The following ARID4B variants were observed in gnomAD, a reference collection of about 807,000 sequenced individuals.
The protein encoded by ARID4B is AT-rich interaction domain 4B.
Under a neutral mutation model 147.5 loss-of-function variants are expected in ARID4B, and 26 were observed. That is an observed-to-expected ratio of 0.18 (90% CI 0.13 to 0.24). ARID4B has a LOEUF of 0.24. Among genes scored for constraint, ARID4B ranks in the 10% least tolerant of loss-of-function variants. ARID4B has a pLI of 1.00. For synonymous variants in ARID4B, 512 were observed against 507.9 expected (o/e 1.01, Z -0.11); for missense variants, 1,179 against 1,511.5 (o/e 0.78, Z 3.65).
Position 235,216,150 on chromosome 1 carries a change from C to A in ARID4B, c.1584-2124G>T, listed in dbSNP as rs1438868377. Among the ~76,000 whole-genome samples, 4 of 151,932 alleles carry A rather than the reference C, an allele frequency of 2.6e-5. No homozygotes were observed. In the East Asian group the frequency reaches 7.7e-4, roughly 29 times the overall value. ...AGTAAGTCCGTGTTCACGAAAGTAT[C>A]AAATATATCAATTTTGTCTGAACTA... On this transcript the variant is annotated intron_variant, in intron 16 of 23. Transcript: ENST00000264183.
chr1:235,247,784 T>A (rs150236994), intron 6 of ARID4B, among the ~76,000 whole-genome samples: 1,560 of 151,720 alleles, frequency 0.01, 24 homozygotes, highest in African/African-American at 0.033. Flanking sequence ...AGATCGGGAG[T>A]TGGAGACCAG....
chr1:235,299,950 G>A (rs1164921265), intron 2 of ARID4B, among the ~76,000 whole-genome samples: 2 of 152,116 alleles, frequency 1.3e-5, no homozygotes, highest in African/African-American at 2.4e-5. Flanking sequence ...TAAGTATTTA[G>A]TCCTGTTCTT....
intron 3 of ARID4B, among the ~76,000 whole-genome samples, chr1:235,259,063 T>C (rs1351670951): frequency 6.6e-6 from 1 of 152,228 alleles, no homozygotes; most frequent in Non-Finnish European, 1.5e-5. Flanking sequence ...TGTGTTTTAA[T>C]GGACATCACC....
At chr1:235,179,603 C>T (rs1664148959) in intron 20 of ARID4B, among the ~76,000 whole-genome samples, 1 of 150,262 alleles carries the variant, frequency 6.7e-6, no homozygotes, top group East Asian at 2.0e-4. Flanking sequence ...ATAAATTACC[C>T]TAAATTTAGG....
At chr1:235,173,967 C>A (rs1663656402) in intron 22 of ARID4B, among the ~76,000 whole-genome samples, 1 of 150,730 alleles carries the variant, frequency 6.6e-6, no homozygotes, top group Admixed American at 6.6e-5. Flanking sequence ...CCTGTATCAT[C>A]TGCACCCCTA....
chr1:235,286,609 T>C (rs912353490), intron 2 of ARID4B, among the ~76,000 whole-genome samples: 3 of 152,148 alleles, frequency 2.0e-5, no homozygotes, highest in Non-Finnish European at 1.5e-5. Flanking sequence ...AGAAACAATA[T>C]AGATTCTGGA....
At chr1:235,215,322 T>TA (rs1421981763) in intron 16 of ARID4B, among the ~76,000 whole-genome samples, 1 of 152,114 alleles carries the variant, frequency 6.6e-6, no homozygotes, top group Non-Finnish European at 1.5e-5. Context: ...AGGCTACATT[T>TA]AGTCTGGTTT....
chr1:235,175,473 A>T, intron 21 of ARID4B, 74 bp from the exon 22 acceptor site: 1 of 1,236,070 alleles, frequency 8.1e-7, no homozygotes, highest in Non-Finnish European at 1.2e-6. Flanking sequence ...TAGGTAATTT[A>T]AAATTAGCCA....
chr1:235,300,650 A>G (rs1484643738), intron 2 of ARID4B, among the ~76,000 whole-genome samples: 2 of 152,122 alleles, frequency 1.3e-5, no homozygotes, highest in Non-Finnish European at 2.9e-5. Context: ...TTATTACTAT[A>G]TTTAGCTTAT....
At chr1:235,201,982 G>A (rs1571962797) in intron 17 of ARID4B, among the ~76,000 whole-genome samples, 1 of 150,852 alleles carries the variant, frequency 6.6e-6, no homozygotes, top group Non-Finnish European at 1.5e-5. Flanking sequence ...CAGGTAGACT[G>A]GGTTGTTATT....
At chr1:235,202,416 T>C (rs1404484766) in intron 17 of ARID4B, among the ~76,000 whole-genome samples, 2 of 151,518 alleles carry the variant, frequency 1.3e-5, no homozygotes, top group Admixed American at 1.3e-4. Context: ...ATATGACTTG[T>C]CTGATAATAT....
intron 6 of ARID4B, 85 bp downstream of exon 6, chr1:235,252,645 T>C (rs1316186831): frequency 9.4e-7 from 1 of 1,066,490 alleles, no homozygotes; most frequent in East Asian, 2.4e-5. Flanking sequence ...GATTAGGAAG[T>C]AGGTTTACTG....
chr1:235,168,420 T>C lies in ARID4B; in HGVS notation c.*105A>G. The C allele has an allele frequency of 2.3e-6, 3 of 1,297,986 alleles. No individual in the cohort carries two copies. The highest frequency in any genetic ancestry group is 3.0e-6 in the Non-Finnish European group (3 of 986,766). 80.4% of individuals were successfully genotyped at this position (1,297,986 alleles called of 1,614,324 possible). ...AGCTTGTCAAGAAACAATTTTTAAA[T>C]ATAAAATAGTGCTTGTCTGATATTT... On this transcript the variant is annotated 3_prime_UTR_variant, in exon 24 of 24. Coordinates refer to ENST00000264183, the MANE Select transcript of ARID4B (RefSeq NM_016374.6).
chr1:235,185,287 G>C (rs1435479453), intron 19 of ARID4B, among the ~76,000 whole-genome samples: 1 of 152,122 alleles, frequency 6.6e-6, no homozygotes, highest in East Asian at 1.9e-4. Flanking sequence ...TAGTACATTT[G>C]ATAAACTTCC....
At chr1:235,290,470 C>A (rs1019107996) in intron 2 of ARID4B, among the ~76,000 whole-genome samples, 1 of 150,616 alleles carries the variant, frequency 6.6e-6, no homozygotes, top group Non-Finnish European at 1.5e-5. Context: ...TAATCAGTAA[C>A]CCTACTCTTA....
chr1:235,239,797 C>G (rs556206977), intron 8 of ARID4B, among the ~76,000 whole-genome samples: 1 of 152,050 alleles, frequency 6.6e-6, no homozygotes, highest in Non-Finnish European at 1.5e-5. Context: ...GAATTGCAAT[C>G]TTTTGGAGAG....
Position 235,196,106 on chromosome 1 carries a change from T to A in ARID4B, c.1851A>T (p.Glu617Asp). ...HYCGWNVRYD[E>D]WIKADKIVRP... Reference sequence around the variant, plus strand: ...TTACTATTTTATCTGCTTTAATCCATTCATCGTATCTAAAATTAAAGGAAA... The same window carrying A: ...TTACTATTTTATCTGCTTTAATCCAATCATCGTATCTAAAATTAAAGGAAA... Residue 617 changes from glutamate (E) to aspartate (D), a missense_variant, in exon 18 of 24, where the codon GAA becomes GAT. Physicochemically the swap from Glu to Asp is conservative, Grantham distance 45 (BLOSUM62 2). This residue lies in a region of ARID4B where 28 missense variants were observed against 67.6 expected (regional missense o/e 0.41). Coordinates refer to ENST00000264183, the MANE Select transcript of ARID4B (RefSeq NM_016374.6). The A allele has an allele frequency of 6.5e-7, 1 of 1,546,488 alleles. No individual in the cohort carries two copies. Among genetic ancestry groups the A allele is most frequent in the Non-Finnish European group, 8.8e-7 (1 of 1,135,378 alleles).
chr1:235,251,304 G>A (rs562915775), intron 6 of ARID4B, among the ~76,000 whole-genome samples: 1 of 151,782 alleles, frequency 6.6e-6, no homozygotes, highest in East Asian at 1.9e-4. Context: ...GAAAGACATA[G>A]AGGAGGAAGC....
chr1:235,208,092 A>T (rs1051410447), intron 17 of ARID4B, among the ~76,000 whole-genome samples: 1 of 152,212 alleles, frequency 6.6e-6, no homozygotes, highest in Non-Finnish European at 1.5e-5. Context: ...GATTACAGAA[A>T]GCCAAGTTGG....
Sources: gnomAD v4.1 joint callset for allele counts (sites outside exome capture counted in the v4.1 genomes callset) on GRCh38, gnomAD v4.1.1 for gene constraint, gnomAD v4.1.1 regional missense constraint, MANE v1.5 for transcripts, NCBI Gene and HGNC (gene_info 2026-07-23, HGNC 2026-07-21) for gene names.